The following MRTFA variants were observed in gnomAD, a reference collection of about 807,000 sequenced individuals.
MRTFA encodes myocardin-related transcription factor A.
MRTFA carries 20 observed loss-of-function variants against 83.5 expected under a neutral mutation model. The ratio of observed to expected loss-of-function variants is 0.24; its 90% CI spans 0.17 to 0.35. MRTFA has a LOEUF of 0.35. Among genes scored for constraint, MRTFA ranks in the 10% least tolerant of loss-of-function variants. The pLI is 1.00. For synonymous variants in MRTFA, 659 were observed against 541.2 expected (o/e 1.22, Z -3.02); for missense variants, 1,200 against 1,224.7 (o/e 0.98, Z 0.30).
chr22:40,600,085 G>GT (rs2056241414), intron 1 of MRTFA, among the ~76,000 whole-genome samples: 1 of 151,358 alleles, frequency 6.6e-6, no homozygotes, highest in African/African-American at 2.4e-5. Context: ...TGGAATTGTG[G>GT]TTTTTAAGCA....
chr22:40,614,838 T>C (rs907621231), intron 1 of MRTFA, among the ~76,000 whole-genome samples: 3 of 152,220 alleles, frequency 2.0e-5, no homozygotes, highest in Admixed American at 6.5e-5. Flanking sequence ...ACTTATTTTT[T>C]AATTGGGCCA....
At chr22:40,445,956 T>G (rs1015596545) in intron 4 of MRTFA, among the ~76,000 whole-genome samples, 1 of 152,228 alleles carries the variant, frequency 6.6e-6, no homozygotes, top group African/African-American at 2.4e-5. Flanking sequence ...CTTAAGTATC[T>G]AAGCTGTTTG....
chr22:40,529,901 A>G (rs1269163752), intron 3 of MRTFA, among the ~76,000 whole-genome samples: 2 of 152,210 alleles, frequency 1.3e-5, no homozygotes, highest in Admixed American at 6.5e-5. Context: ...AGCCAGGGTT[A>G]CCAGCTTCTG....
At chr22:40,609,746 G>A (rs1211580102) in intron 1 of MRTFA, among the ~76,000 whole-genome samples, 1 of 151,736 alleles carries the variant, frequency 6.6e-6, no homozygotes, top group Non-Finnish European at 1.5e-5. Flanking sequence ...CAGGAGAATT[G>A]CTTGAACCCG....
intron 2 of MRTFA, among the ~76,000 whole-genome samples, chr22:40,561,005 A>T (rs1439925162): frequency 6.6e-6 from 1 of 152,136 alleles, no homozygotes; most frequent in African/African-American, 2.4e-5. Flanking sequence ...GGTTCTTCTG[A>T]AAATTTTTTT....
At chr22:40,589,795 G>A (rs541776420) in intron 2 of MRTFA, among the ~76,000 whole-genome samples, 46 of 152,198 alleles carry the variant, frequency 3.0e-4, no homozygotes, top group Admixed American at 2.7e-3. Context: ...TTGGGAGGCC[G>A]AGGCAGGCGA....
intron 2 of MRTFA, among the ~76,000 whole-genome samples, chr22:40,562,834 T>C (rs1032381733): frequency 6.6e-6 from 1 of 151,746 alleles, no homozygotes; most frequent in African/African-American, 2.4e-5. Flanking sequence ...CATCTCAAAG[T>C]AGTAAGATGC....
At chr22:40,508,446 A>G (rs1198788853) in intron 3 of MRTFA, among the ~76,000 whole-genome samples, 1 of 132,622 alleles carries the variant, frequency 7.5e-6, no homozygotes, top group Non-Finnish European at 1.6e-5. Flanking sequence ...CGGGAAGCAG[A>G]GGTTGCAGTG....
At chr22:40,455,090 G>A (rs1451579902) in intron 4 of MRTFA, among the ~76,000 whole-genome samples, 4 of 152,162 alleles carry the variant, frequency 2.6e-5, no homozygotes, top group Non-Finnish European at 5.9e-5. Flanking sequence ...GTGAGCCACT[G>A]TGCCTGGCCT....
chr22:40,512,618 T>G (rs2054686393), intron 3 of MRTFA, among the ~76,000 whole-genome samples: 1 of 152,224 alleles, frequency 6.6e-6, no homozygotes, highest in African/African-American at 2.4e-5. Flanking sequence ...CTTCATTCCT[T>G]TGGGATATGT....
chr22:40,413,643 C>T (rs2052611708), intron 14 of MRTFA, among the ~76,000 whole-genome samples: 1 of 152,072 alleles, frequency 6.6e-6, no homozygotes, highest in South Asian at 2.1e-4. Context: ...CGGGGTTTCA[C>T]CATGTTAGCC....
chr22:40,564,032 G>T (rs778427547), intron 2 of MRTFA, among the ~76,000 whole-genome samples: 1 of 152,202 alleles, frequency 6.6e-6, no homozygotes, highest in African/African-American at 2.4e-5. Flanking sequence ...ACCTGGCACA[G>T]AACAGGAACT....
chr22:40,447,747 C>T (rs1025351463), intron 4 of MRTFA, among the ~76,000 whole-genome samples: 3 of 152,204 alleles, frequency 2.0e-5, no homozygotes, highest in Non-Finnish European at 2.9e-5. Context: ...CTTCTCAGTA[C>T]TTACTATTTT....
intron 4 of MRTFA, among the ~76,000 whole-genome samples, chr22:40,455,803 A>AGTATGTATGTATGTATGTATGTAT (rs3044520): frequency 4.0e-4 from 58 of 143,374 alleles, no homozygotes; most frequent in East Asian, 1.7e-3. Context: ...ATGGTATCCC[A>AGTATGTATGTATGTATGTATGTAT]GTATGTATGT....
intron 1 of MRTFA, among the ~76,000 whole-genome samples, chr22:40,610,727 A>G (rs2056376948): frequency 6.6e-6 from 1 of 152,182 alleles, no homozygotes; most frequent in African/African-American, 2.4e-5. Context: ...TATATTAGAT[A>G]CATAAGAAAG....
intron 2 of MRTFA, among the ~76,000 whole-genome samples, chr22:40,572,690 C>T (rs1399016197): frequency 6.6e-6 from 1 of 152,052 alleles, no homozygotes; most frequent in Non-Finnish European, 1.5e-5. Context: ...GCTAGGGAAA[C>T]CTCACAATCA....
chr22:40,588,015 C>T, intron 2 of MRTFA: 2 of 202,052 alleles, frequency 9.9e-6, no homozygotes, highest in East Asian at 1.3e-4. Flanking sequence ...GGTGAGAAGG[C>T]CACACTCCAA....
At chr22:40,489,969 C>T (rs1162872836) in intron 3 of MRTFA, among the ~76,000 whole-genome samples, 8 of 19,202 alleles carry the variant, frequency 4.2e-4, no homozygotes, top group Admixed American at 1.5e-3. Flanking sequence ...ATGACTCTGT[C>T]GCAAAAAAAA....
At position 40,539,195 on chromosome 22, in the gene MRTFA, C is replaced by T. The variant is rs1207527122; in HGVS notation, c.241+12911G>A. 2.0e-5 allele frequency among the ~76,000 whole-genome samples: 3 copies of T among 151,418 alleles called. No individual in the cohort carries two copies. In the South Asian group the frequency reaches 6.3e-4, roughly 32 times the overall value. ...TATATTTTTAGTTGAGATGGGGTTT[C>T]ACCATGTTGGCCCAGGCTGGTCTTG... On this transcript the variant is annotated intron_variant, in intron 3 of 14. Coordinates refer to ENST00000355630, the MANE Select transcript of MRTFA (RefSeq NM_020831.6).
Sources: gnomAD v4.1 joint callset for allele counts (sites outside exome capture counted in the v4.1 genomes callset) on GRCh38, gnomAD v4.1.1 for gene constraint, MANE v1.5 for transcripts, NCBI Gene and HGNC (gene_info 2026-07-23, HGNC 2026-07-21) for gene names.